The following SEL1L2 variants were observed in gnomAD, a reference collection of about 807,000 sequenced individuals.
SEL1L2 encodes the protein SEL1L2 adaptor subunit of SYVN1 ubiquitin ligase, also known as protein sel-1 homolog 2.
SEL1L2 carries 89 observed loss-of-function variants against 98.8 expected under a neutral mutation model. The observed-to-expected ratio is 0.90, with a 90% CI of 0.76 to 1.07. The LOEUF is 1.07. SEL1L2 is among the 50% of genes least tolerant of loss of function. SEL1L2 has a pLI of 0.00. For missense variants in SEL1L2, 788 were observed against 812.0 expected, an observed-to-expected ratio of 0.97 and a Z score of 0.36; for synonymous variants, 262 against 278.5, an observed-to-expected ratio of 0.94 and a Z score of 0.59.
intron 1 of SEL1L2, among the ~76,000 whole-genome samples, chr20:13,974,201 T>G (rs1418476139): frequency 6.6e-6 from 1 of 152,178 alleles, no homozygotes; most frequent in African/African-American, 2.4e-5. Flanking sequence ...GGGGCACTTG[T>G]GCTTACTTCT....
intron 5 of SEL1L2, among the ~76,000 whole-genome samples, chr20:13,893,631 A>C (rs1378661341): frequency 6.6e-6 from 1 of 152,206 alleles, no homozygotes; most frequent in East Asian, 1.9e-4. Context: ...CAATAACAAA[A>C]GACCTTATTG....
At chr20:13,849,714 T>C (rs1170112202) in intron 19 of SEL1L2, 110 bp from the exon 20 acceptor site, 2 of 1,306,178 alleles carry the variant, frequency 1.5e-6, no homozygotes, top group Non-Finnish European at 2.1e-6. Context: ...ACCCATTCCC[T>C]TTGCTTCCTT....
Position 13,941,793 on chromosome 20 carries a change from T to C in SEL1L2, c.115-10022A>G, listed in dbSNP as rs1464227023. Among the ~76,000 whole-genome samples the C allele has an allele frequency of 2.0e-5, 3 of 152,186 alleles. No homozygotes were observed. In the East Asian group the frequency reaches 5.8e-4, roughly 29 times the overall value. On this transcript the variant is annotated intron_variant, in intron 2 of 19. Coordinates refer to ENST00000284951, the MANE Select transcript of SEL1L2 (RefSeq NM_025229.2). ...GTCTAAGAGTAAAGAGCGAGTCATA[T>C]TTGATATGGAATGGGAAGTGAGCAT...
At chr20:13,933,967 T>TTG (rs1041105865) in intron 2 of SEL1L2, among the ~76,000 whole-genome samples, 5 of 151,026 alleles carry the variant, frequency 3.3e-5, no homozygotes, top group African/African-American at 1.2e-4. Context: ...CCTAAGGTTT[T>TTG]TTTTTTTTTT....
chr20:13,899,365 A>G (rs891036608), intron 5 of SEL1L2, among the ~76,000 whole-genome samples: 4 of 152,170 alleles, frequency 2.6e-5, no homozygotes, highest in Admixed American at 6.5e-5. Flanking sequence ...TAACTTTTAG[A>G]ATCAGAAACA....
intron 2 of SEL1L2, among the ~76,000 whole-genome samples, chr20:13,944,794 T>C (rs977650088): frequency 8.5e-5 from 13 of 152,214 alleles, no homozygotes; most frequent in Non-Finnish European, 1.5e-4. Context: ...TGCATGATGA[T>C]GGTGATTTCT....
At chr20:13,965,901 C>T (rs920383641) in intron 1 of SEL1L2, among the ~76,000 whole-genome samples, 9 of 145,646 alleles carry the variant, frequency 6.2e-5, no homozygotes, top group African/African-American at 1.5e-4. Flanking sequence ...TACAGTGAGC[C>T]GAAGTTGCAC....
chr20:13,936,621 A>C (rs1399563663), intron 2 of SEL1L2, among the ~76,000 whole-genome samples: 1 of 152,148 alleles, frequency 6.6e-6, no homozygotes, highest in African/African-American at 2.4e-5. Context: ...AATCAGCAGC[A>C]CCCATTCCCT....
At chr20:13,881,478 AT>A (rs951684379) in intron 10 of SEL1L2, among the ~76,000 whole-genome samples, 22 of 152,184 alleles carry the variant, frequency 1.4e-4, no homozygotes, top group Non-Finnish European at 4.4e-5. Context: ...ATCCATTTTA[AT>A]AATATTCACC....
intron 1 of SEL1L2, among the ~76,000 whole-genome samples, chr20:13,960,596 T>C (rs2050733665): frequency 6.6e-6 from 1 of 152,174 alleles, no homozygotes; most frequent in African/African-American, 2.4e-5. Context: ...AAAAAGAAGC[T>C]TCCATTGGCT....
At chr20:13,958,922 CAAAAAAA>C (rs34641853) in intron 1 of SEL1L2, among the ~76,000 whole-genome samples, 1 of 116,762 alleles carries the variant, frequency 8.6e-6, no homozygotes, top group African/African-American at 3.6e-5. Flanking sequence ...GACTCTGTCT[CAAAAAAA>C]AAAAAAAAAA....
chr20:13,931,583 T>G lies in SEL1L2; in HGVS notation c.283+20A>C. The G allele has an allele frequency of 7.8e-7, 1 of 1,277,216 alleles. No individual in the cohort carries two copies. The highest frequency in any genetic ancestry group is 1.1e-6 in the Non-Finnish European group (1 of 945,730). The allele number at this position is 1,277,216 out of a possible 1,614,324, so 79.1% of individuals were successfully genotyped here. On this transcript the variant is annotated intron_variant, in intron 3 of 19. Transcript: ENST00000284951. ...CATGTAGTCATTTTAAATTTACATGTGAAAAGATATTCTACTTACAATGAT... is the reference window on the plus strand; with the variant it reads ...CATGTAGTCATTTTAAATTTACATGGGAAAAGATATTCTACTTACAATGAT...
intron 5 of SEL1L2, among the ~76,000 whole-genome samples, chr20:13,900,586 G>A (rs1314493746): frequency 6.6e-6 from 1 of 152,114 alleles, no homozygotes; most frequent in African/African-American, 2.4e-5. Context: ...TTAAAAACCC[G>A]GCCCAGGGAG....
chr20:13,957,750 C>T (rs533148054), intron 1 of SEL1L2, among the ~76,000 whole-genome samples: 30 of 152,118 alleles, frequency 2.0e-4, no homozygotes, highest in African/African-American at 3.4e-4. Flanking sequence ...TGGTGGCATG[C>T]ACCTGAAATC....
intron 2 of SEL1L2, among the ~76,000 whole-genome samples, chr20:13,940,905 GAA>G (rs1330742976): frequency 1.3e-5 from 2 of 151,870 alleles, no homozygotes; most frequent in African/African-American, 4.8e-5. Flanking sequence ...ATCTCAAAAA[GAA>G]AAAGAGTGGG....
At chr20:13,868,188 C>G (rs919968008) in intron 14 of SEL1L2, among the ~76,000 whole-genome samples, 2 of 151,794 alleles carry the variant, frequency 1.3e-5, no homozygotes, top group African/African-American at 2.4e-5. Context: ...TCCTCACTCA[C>G]CTCTCTCCCC....
chr20:13,958,827 C>G (rs536076901), intron 1 of SEL1L2, among the ~76,000 whole-genome samples: 1 of 151,494 alleles, frequency 6.6e-6, no homozygotes, highest in East Asian at 1.9e-4. Context: ...GCCTGTAGTC[C>G]CAGCTACTTG....
Position 13,849,274 on chromosome 20 carries a change from A to C in SEL1L2, c.*211T>G, listed in dbSNP as rs1315798695. 7.6e-6 allele frequency: 4 copies of C among 524,128 alleles called. No homozygotes were observed. In the African/African-American group the frequency reaches 7.7e-5, roughly 10 times the overall value. 32.5% of individuals were successfully genotyped at this position (524,128 alleles called of 1,614,324 possible). A position where few individuals can be genotyped will look rare whatever the true frequency, so the allele number is the denominator to read the frequency against. ...ATTGGTAACAAGGTCTTAGGTGACCAGTTCCCAGCATCCCGCAAAGGGTTT... is the reference window on the plus strand; with the variant it reads ...ATTGGTAACAAGGTCTTAGGTGACCCGTTCCCAGCATCCCGCAAAGGGTTT... On this transcript the variant is annotated 3_prime_UTR_variant, in exon 20 of 20. Coordinates refer to ENST00000284951, the MANE Select transcript of SEL1L2 (RefSeq NM_025229.2).
At chr20:13,977,127 A>C (rs1468368839) in intron 1 of SEL1L2, among the ~76,000 whole-genome samples, 1 of 152,238 alleles carries the variant, frequency 6.6e-6, no homozygotes, top group East Asian at 1.9e-4. Context: ...AGGAATCTGC[A>C]TACATTGTTC....
Sources: gnomAD v4.1 joint callset for allele counts (sites outside exome capture counted in the v4.1 genomes callset) on GRCh38, gnomAD v4.1.1 for gene constraint, MANE v1.5 for transcripts, NCBI Gene and HGNC (gene_info 2026-07-23, HGNC 2026-07-21) for gene names.